The following HECW1 variants were observed in gnomAD, a reference collection of about 807,000 sequenced individuals.
The protein encoded by HECW1 is E3 ubiquitin-protein ligase HECW1.
Under a neutral mutation model 182.3 loss-of-function variants are expected in HECW1, and 61 were observed. The ratio of observed to expected loss-of-function variants is 0.33; its 90% CI spans 0.27 to 0.41. HECW1 has a LOEUF of 0.41. Among genes scored for constraint, HECW1 ranks in the 10% least tolerant of loss-of-function variants. HECW1 has a pLI of 1.00. For missense variants in HECW1, 1,739 were observed against 2,108.9 expected (o/e 0.82, Z 3.44); for synonymous variants, 859 against 832.6 (o/e 1.03, Z -0.55).
At chr7:43,458,688 T>G (rs541612370) in intron 13 of HECW1, among the ~76,000 whole-genome samples, 1 of 152,372 alleles carries the variant, frequency 6.6e-6, no homozygotes, top group African/African-American at 2.4e-5. Flanking sequence ...TTGAAGCATT[T>G]AAAATTTTTT....
chr7:43,329,341 G>A (rs1393212457), intron 5 of HECW1, among the ~76,000 whole-genome samples: 2 of 152,180 alleles, frequency 1.3e-5, no homozygotes, highest in Non-Finnish European at 2.9e-5. Context: ...AAAGCATTCC[G>A]ATTAGGCTTG....
Position 43,488,388 on chromosome 7 carries a change from AAG to A in HECW1, c.3235-3686_3235-3685del, listed in dbSNP as rs1291505732. On this transcript the variant is annotated intron_variant, in intron 17 of 29. Coordinates refer to ENST00000395891, the MANE Select transcript of HECW1 (RefSeq NM_015052.5). ...GAAGGAAGGAAGGAAGGAAGGAAGG[AAG>A]GAAGGAAGGAAATGAAAGAAAGAGA... Among the ~76,000 whole-genome samples, 161 of 62,170 alleles carry A rather than the reference AAG, an allele frequency of 2.6e-3. 3 individuals carry two copies. The highest frequency in any genetic ancestry group is 3.7e-3 in the African/African-American group (71 of 19,052). The allele number at this position is 62,170 out of a possible 152,430, so 40.8% of individuals were successfully genotyped here.
chr7:43,444,771 G>C lies in HECW1; in HGVS notation c.1599G>C (p.Arg533Ser), dbSNP rs1299103607. 6.2e-7 allele frequency: 1 copy of C among 1,614,100 alleles called. No homozygotes were observed. Among genetic ancestry groups the C allele is most frequent in the Non-Finnish European group, 8.5e-7 (1 of 1,180,006 alleles). ...QLRASVKRKS[R>S]PCSLPVSELE... ...GGGCCTCGGTGAAGAGAAAAAGCAGGCCCTGCTCCTTGCCTGTGTCCGAGC... is the reference window on the plus strand; with the variant it reads ...GGGCCTCGGTGAAGAGAAAAAGCAGCCCCTGCTCCTTGCCTGTGTCCGAGC... The change falls in exon 11 of 30, where the codon AGG becomes AGC. Residue 533 changes from arginine to serine, a missense_variant. Transcript: ENST00000395891. The surrounding 1 kb of genome is among the most constrained non-coding windows in gnomAD (Gnocchi z 4.3).
At chr7:43,156,379 T>A (rs959546765) in intron 2 of HECW1, among the ~76,000 whole-genome samples, 7 of 152,328 alleles carry the variant, frequency 4.6e-5, no homozygotes, top group African/African-American at 1.7e-4. Flanking sequence ...CTTTTCTTAA[T>A]GGTCATTATT....
At chr7:43,426,987 A>C (rs2152862110) in intron 8 of HECW1, among the ~76,000 whole-genome samples, 1 of 152,168 alleles carries the variant, frequency 6.6e-6, no homozygotes, top group South Asian at 2.1e-4. Context: ...CTTTTTATTA[A>C]TCTGATGCCT....
chr7:43,504,119 C>T (rs2079480230), intron 21 of HECW1, among the ~76,000 whole-genome samples: 1 of 152,208 alleles, frequency 6.6e-6, no homozygotes, highest in African/African-American at 2.4e-5. Flanking sequence ...CCTGTGGCCC[C>T]TGCCTTGTAG....
intron 3 of HECW1, among the ~76,000 whole-genome samples, chr7:43,303,514 T>C (rs932347374): frequency 8.5e-5 from 13 of 152,110 alleles, no homozygotes; most frequent in African/African-American, 3.1e-4. Flanking sequence ...TGACTTCCTG[T>C]GTGGATATTA....
intron 29 of HECW1, among the ~76,000 whole-genome samples, chr7:43,560,307 A>G (rs1230298534): frequency 6.6e-6 from 1 of 152,234 alleles, no homozygotes; most frequent in African/African-American, 2.4e-5. Flanking sequence ...CTTTTAAAGT[A>G]AAGGAAGGCC....
At chr7:43,284,925 T>C (rs573667828) in intron 3 of HECW1, among the ~76,000 whole-genome samples, 13 of 151,982 alleles carry the variant, frequency 8.6e-5, no homozygotes, top group Admixed American at 8.5e-4. Flanking sequence ...CCAGGTCTTA[T>C]AATGTGAAAC....
chr7:43,393,677 CTT>C (rs199626474), intron 6 of HECW1, among the ~76,000 whole-genome samples: 3 of 139,222 alleles, frequency 2.2e-5, no homozygotes. Context: ...TTTTCTTCTT[CTT>C]TTTTTTTTTT....
At chr7:43,147,083 T>A (rs1271505292) in intron 2 of HECW1, among the ~76,000 whole-genome samples, 2 of 152,242 alleles carry the variant, frequency 1.3e-5, no homozygotes, top group Admixed American at 6.5e-5. Flanking sequence ...TAACTTTTGT[T>A]GTGAAAGACT....
chr7:43,529,705 G>T (rs2080903814), intron 24 of HECW1, among the ~76,000 whole-genome samples: 1 of 152,002 alleles, frequency 6.6e-6, no homozygotes, highest in African/African-American at 2.4e-5. Context: ...CACTCAAGTT[G>T]GACCTGCCCA....
intron 3 of HECW1, among the ~76,000 whole-genome samples, chr7:43,304,289 G>A (rs935540102): frequency 4.0e-5 from 6 of 151,816 alleles, no homozygotes; most frequent in African/African-American, 9.7e-5. Flanking sequence ...TCCTGCATCC[G>A]GACACCTGAC....
chr7:43,283,949 A>G (rs1221598217), intron 3 of HECW1, among the ~76,000 whole-genome samples: 1 of 152,196 alleles, frequency 6.6e-6, no homozygotes, highest in Non-Finnish European at 1.5e-5. Context: ...CAGGAGTGGA[A>G]CAGCCACACC....
chr7:43,272,496 A>G lies in HECW1; in HGVS notation c.27+28564A>G, dbSNP rs566180825. 2.0e-5 allele frequency among the ~76,000 whole-genome samples: 3 copies of G among 152,356 alleles called. No homozygotes were observed. In the East Asian group the frequency reaches 5.8e-4, roughly 29 times the overall value. On this transcript the variant is annotated intron_variant, in intron 3 of 29. Coordinates refer to ENST00000395891, the MANE Select transcript of HECW1 (RefSeq NM_015052.5). ...AATTGAACAAGCAAAAAACAACCCCATTAAAAAATGGGCAAAAGACATGAA... is the reference window on the plus strand; with the variant it reads ...AATTGAACAAGCAAAAAACAACCCCGTTAAAAAATGGGCAAAAGACATGAA...
At chr7:43,235,039 C>T (rs919959823) in intron 2 of HECW1, among the ~76,000 whole-genome samples, 2 of 152,232 alleles carry the variant, frequency 1.3e-5, no homozygotes, top group South Asian at 2.1e-4. Flanking sequence ...CCCTGCCAGA[C>T]CCGTGGTCCA....
chr7:43,151,146 G>T (rs1789276867), intron 2 of HECW1, among the ~76,000 whole-genome samples: 2 of 152,222 alleles, frequency 1.3e-5, no homozygotes, highest in African/African-American at 4.8e-5. Context: ...CTGGAGAAGT[G>T]AGTGGAGCCA....
intron 2 of HECW1, among the ~76,000 whole-genome samples, chr7:43,175,164 C>T (rs1792097742): frequency 6.6e-6 from 1 of 151,546 alleles, no homozygotes; most frequent in Non-Finnish European, 1.5e-5. Flanking sequence ...ATGTACAACA[C>T]GATGTGTGTG....
chr7:43,404,018 G>T (rs187198830), intron 7 of HECW1, among the ~76,000 whole-genome samples: 2 of 152,040 alleles, frequency 1.3e-5, no homozygotes, highest in South Asian at 4.1e-4. Context: ...AGAACTCTAT[G>T]TGCTCTTATG....
Sources: allele counts gnomAD v4.1 joint callset (sites outside exome capture counted in the v4.1 genomes callset), GRCh38; gene constraint gnomAD v4.1.1; non-coding constraint Gnocchi (gnomAD v3.1); transcripts MANE v1.5; gene names NCBI Gene and HGNC (gene_info 2026-07-23, HGNC 2026-07-21).